SLC8A1: variants seen among roughly 807,000 people sequenced by gnomAD.
The protein encoded by SLC8A1 is solute carrier family 8 member A1, also known as sodium/calcium exchanger 1.
In SLC8A1, 18 loss-of-function variants were observed where a neutral mutation model predicts 68.3. The ratio of observed to expected loss-of-function variants is 0.26; its 90% confidence interval spans 0.18 to 0.39. The LOEUF (loss-of-function observed/expected upper bound fraction) is 0.39, where lower values mean the gene tolerates loss of function less well. Ranked by LOEUF, SLC8A1 falls within the 10% of genes least tolerant of loss-of-function variation. SLC8A1 has a pLI of 1.00. For missense variants in SLC8A1, 985 were observed against 1,156.7 expected (o/e 0.85, Z 2.15); for synonymous variants, 475 against 415.5 (o/e 1.14, Z -1.74).
intron 1 of SLC8A1, among the ~76,000 whole-genome samples, chr2:40,436,306 A>G (rs947596665): frequency 6.6e-5 from 10 of 152,160 alleles, no homozygotes; most frequent in African/African-American, 2.4e-4. Context: ...CTCCAGTGGT[A>G]AACCAGAATC....
intron 1 of SLC8A1, among the ~76,000 whole-genome samples, chr2:40,443,592 T>A (rs1163686383): frequency 6.6e-6 from 1 of 152,200 alleles, no homozygotes; most frequent in Non-Finnish European, 1.5e-5. Flanking sequence ...CAAGACTTTT[T>A]CTCTCTGAGG....
intron 2 of SLC8A1, among the ~76,000 whole-genome samples, chr2:40,243,661 C>T (rs1239752605): frequency 1.3e-5 from 2 of 152,190 alleles, no homozygotes; most frequent in Non-Finnish European, 2.9e-5. Context: ...AGGAATGCAA[C>T]ATCACATCAG....
chr2:40,277,991 G>C (rs529902957), intron 2 of SLC8A1, among the ~76,000 whole-genome samples: 3 of 151,800 alleles, frequency 2.0e-5, no homozygotes, highest in Non-Finnish European at 4.4e-5. Context: ...ACTTATGTAA[G>C]TCTACATGAT....
At chr2:40,327,501 T>C (rs2075960655) in intron 2 of SLC8A1, among the ~76,000 whole-genome samples, 1 of 152,208 alleles carries the variant, frequency 6.6e-6, no homozygotes, top group Non-Finnish European at 1.5e-5. Context: ...ATGTTCTTTC[T>C]GCAAATCACT....
At chr2:40,414,999 A>T (rs1693364064) in intron 2 of SLC8A1, among the ~76,000 whole-genome samples, 1 of 152,246 alleles carries the variant, frequency 6.6e-6, no homozygotes. Flanking sequence ...AATGAAATAC[A>T]TGGCTCAGAA....
chr2:40,174,483 G>A (rs1230035241), intron 4 of SLC8A1, among the ~76,000 whole-genome samples: 1 of 151,966 alleles, frequency 6.6e-6, no homozygotes, highest in South Asian at 2.1e-4. Context: ...TTTGTAAATT[G>A]GTCAGTGTCA....
intron 2 of SLC8A1, among the ~76,000 whole-genome samples, chr2:40,329,415 T>C (rs2076187241): frequency 6.6e-6 from 1 of 152,234 alleles, no homozygotes. Context: ...TGTTTAAATT[T>C]TTTAATCTCT....
intron 2 of SLC8A1, among the ~76,000 whole-genome samples, chr2:40,310,504 T>C (rs963609902): frequency 6.6e-6 from 1 of 152,166 alleles, no homozygotes; most frequent in African/African-American, 2.4e-5. Flanking sequence ...GCCAGGGATG[T>C]ACACCAAGCA....
intron 2 of SLC8A1, among the ~76,000 whole-genome samples, chr2:40,374,468 A>T (rs1211433144): frequency 6.6e-6 from 1 of 151,948 alleles, no homozygotes; most frequent in African/African-American, 2.4e-5. Context: ...GTGTGTGTGT[A>T]TATATATATG....
chr2:40,304,226 G>T (rs942887783), intron 2 of SLC8A1, among the ~76,000 whole-genome samples: 1 of 152,148 alleles, frequency 6.6e-6, no homozygotes, highest in Admixed American at 6.5e-5. Context: ...CTTCAGAGAT[G>T]TCCTTCCAGC....
chr2:40,258,541 T>C (rs1300365828), intron 2 of SLC8A1, among the ~76,000 whole-genome samples: 1 of 39,616 alleles, frequency 2.5e-5, no homozygotes, highest in Admixed American at 4.3e-4. Context: ...CTTGTTGGTA[T>C]AAACTCAGTC....
At chr2:40,121,835 G>A (rs867961941) in intron 7 of SLC8A1, among the ~76,000 whole-genome samples, 1 of 151,972 alleles carries the variant, frequency 6.6e-6, no homozygotes, top group African/African-American at 2.4e-5. Context: ...TTATTAATTT[G>A]ACAATCCTTT....
At chr2:40,483,089 C>A (rs918250108) in intron 1 of SLC8A1, among the ~76,000 whole-genome samples, 11 of 151,676 alleles carry the variant, frequency 7.3e-5, no homozygotes, top group African/African-American at 2.7e-4. Context: ...CAGGCATAAG[C>A]CATCGTGCCC....
chr2:40,140,871 T>C (rs1478116423), intron 6 of SLC8A1, among the ~76,000 whole-genome samples: 1 of 152,208 alleles, frequency 6.6e-6, no homozygotes, highest in Non-Finnish European at 1.5e-5. Flanking sequence ...TTAAGTCATA[T>C]TATCAGTGTA....
chr2:40,269,715 T>C (rs2065789214), intron 2 of SLC8A1, among the ~76,000 whole-genome samples: 2 of 152,100 alleles, frequency 1.3e-5, no homozygotes, highest in Admixed American at 1.3e-4. Context: ...GTCACTGTGC[T>C]CAGCAGCATT....
At chr2:40,238,286 G>T (rs550841530) in intron 2 of SLC8A1, among the ~76,000 whole-genome samples, 13 of 152,356 alleles carry the variant, frequency 8.5e-5, no homozygotes, top group South Asian at 4.1e-4. Flanking sequence ...CTCCCAGCCA[G>T]GTGCGGGATA....
chr2:40,275,599 T>C (rs937331002), intron 2 of SLC8A1, among the ~76,000 whole-genome samples: 2 of 152,126 alleles, frequency 1.3e-5, no homozygotes, highest in Non-Finnish European at 2.9e-5. Flanking sequence ...TTTCTTTACG[T>C]GGGTTTTACA....
intron 1 of SLC8A1, among the ~76,000 whole-genome samples, chr2:40,457,433 T>A (rs1576607197): frequency 6.6e-6 from 1 of 152,210 alleles, no homozygotes; most frequent in South Asian, 2.1e-4. Context: ...CTGATTAGAC[T>A]CTTCTGAGAG....
At chr2:40,349,407 A>C (rs892157701) in intron 2 of SLC8A1, among the ~76,000 whole-genome samples, 2 of 152,198 alleles carry the variant, frequency 1.3e-5, no homozygotes, top group African/African-American at 4.8e-5. Flanking sequence ...ATTTCAAAAA[A>C]ATACTTCTGA....
Sources: allele counts gnomAD v4.1 joint callset (sites outside exome capture counted in the v4.1 genomes callset), GRCh38; gene constraint gnomAD v4.1.1; transcripts MANE v1.5; gene names NCBI Gene and HGNC (gene_info 2026-07-23, HGNC 2026-07-21).